TTC28: variants seen among roughly 807,000 people sequenced by gnomAD.
TTC28 encodes the protein tetratricopeptide repeat protein 28.
In TTC28, 61 loss-of-function variants were observed where a neutral mutation model predicts 198.0. The ratio of observed to expected loss-of-function variants is 0.31; its 90% CI spans 0.25 to 0.38. TTC28 has a LOEUF of 0.38. TTC28 is among the 10% of genes least tolerant of loss of function. The pLI, the probability that TTC28 is intolerant of heterozygous loss-of-function variation, is 1.00. For missense variants in TTC28, 2,678 were observed against 3,164.0 expected (o/e 0.85, Z 3.69); for synonymous variants, 1,171 against 1,297.8 (o/e 0.90, Z 2.10).
rs913342756 is a variant in TTC28, at chr22:27,979,266, G to A, written c.*2955C>T. 2 of 152,198 alleles carry A rather than the reference G, an allele frequency of 1.3e-5. No homozygotes were observed. The highest frequency in any genetic ancestry group is 2.9e-5 in the Non-Finnish European group (2 of 68,070). 9.4% of individuals were successfully genotyped at this position (152,198 alleles called of 1,614,324 possible). ...AGGCCAAGGCGGGCGGATCCCCTGA[G>A]GTCAGGAGTTCGAGACCAGCCTGGC... is the stretch of plus-strand genomic sequence containing the variant. On this transcript the variant is annotated 3_prime_UTR_variant, in exon 23 of 23. Coordinates refer to ENST00000397906, the MANE Select transcript of TTC28 (RefSeq NM_001145418.2).
chr22:28,228,869 C>T (rs973516064), intron 5 of TTC28, among the ~76,000 whole-genome samples: 1 of 151,910 alleles, frequency 6.6e-6, no homozygotes, highest in Non-Finnish European at 1.5e-5. Context: ...TAAAAAACTA[C>T]ACCCCGGCGA....
At chr22:28,545,309 C>T (rs2049514683) in intron 2 of TTC28, among the ~76,000 whole-genome samples, 1 of 152,096 alleles carries the variant, frequency 6.6e-6, no homozygotes, top group African/African-American at 2.4e-5. Context: ...GTGGTTTACA[C>T]CTATAATCCT....
At chr22:28,551,438 T>G (rs2049669724) in intron 2 of TTC28, among the ~76,000 whole-genome samples, 1 of 151,910 alleles carries the variant, frequency 6.6e-6, no homozygotes, top group South Asian at 2.1e-4. Flanking sequence ...AAAAGAAAAC[T>G]ACAGACCAAT....
At chr22:27,992,722 C>T in intron 18 of TTC28, 59 bp from the exon 19 acceptor site, 1 of 1,494,602 alleles carries the variant, frequency 6.7e-7, no homozygotes, top group South Asian at 1.2e-5. Flanking sequence ...CAAAAGCCTG[C>T]CACCTTCCCA....
chr22:28,209,075 T>C (rs983409036), intron 5 of TTC28, among the ~76,000 whole-genome samples: 2 of 152,170 alleles, frequency 1.3e-5, no homozygotes, highest in African/African-American at 4.8e-5. Flanking sequence ...TCTCATACTT[T>C]CAAATTTTCA....
At chr22:28,324,659 A>T (rs1470647052) in intron 2 of TTC28, among the ~76,000 whole-genome samples, 2 of 151,470 alleles carry the variant, frequency 1.3e-5, no homozygotes, top group African/African-American at 4.9e-5. Context: ...TCTTCAGTAG[A>T]TGCAGAAAAG....
intron 2 of TTC28, among the ~76,000 whole-genome samples, chr22:28,374,560 T>C (rs532100086): frequency 6.6e-6 from 1 of 152,248 alleles, no homozygotes; most frequent in Non-Finnish European, 1.5e-5. Flanking sequence ...GTTGTGACTC[T>C]GTCATTTACC....
rs150508204 is a variant in TTC28 at position 28,308,295 on chromosome 22, A to G, written c.382-1652T>C. Among the ~76,000 whole-genome samples, 9 of 152,320 alleles carry G rather than the reference A, an allele frequency of 5.9e-5. No homozygotes were observed. In the East Asian group the frequency reaches 1.5e-3, roughly 26 times the overall value. ...TAGTTTCTATATTGCAAGAGGCAAC[A>G]GTATATTCCAACTAAAAATAACTAT... On this transcript the variant is annotated intron_variant, in intron 2 of 22. Transcript: ENST00000397906.
chr22:28,337,830 G>A lies in TTC28; in HGVS notation c.382-31187C>T, dbSNP rs1407855811. Among the ~76,000 whole-genome samples, 6 of 152,108 alleles carry A rather than the reference G, an allele frequency of 3.9e-5. No homozygotes were observed. The East Asian group carries it at 9.6e-4, about 24-fold the overall frequency. On this transcript the variant is annotated intron_variant, in intron 2 of 22. Transcript: ENST00000397906. The stretch of plus-strand genomic sequence containing the variant: ...CTGTGTCTTTTAATTGGAGCATTTA[G>A]CCCATTTACATTTAAGGTTAATATT...
intron 5 of TTC28, among the ~76,000 whole-genome samples, chr22:28,215,717 A>G (rs1927338295): frequency 6.6e-6 from 1 of 152,186 alleles, no homozygotes; most frequent in Admixed American, 6.5e-5. Flanking sequence ...GTGATGTTCT[A>G]TCGCTCATAT....
At chr22:28,060,352 G>A (rs1299969488) in intron 12 of TTC28, among the ~76,000 whole-genome samples, 1 of 152,108 alleles carries the variant, frequency 6.6e-6, no homozygotes, top group Non-Finnish European at 1.5e-5. Context: ...GCGGTGTTTG[G>A]TTTTCTGTCC....
intron 2 of TTC28, among the ~76,000 whole-genome samples, chr22:28,575,502 G>C (rs913249952): frequency 6.6e-6 from 1 of 152,018 alleles, no homozygotes; most frequent in African/African-American, 2.4e-5. Context: ...GGTCTTTTGT[G>C]GTTCCATATA....
chr22:28,318,533 T>C (rs950439208), intron 2 of TTC28, among the ~76,000 whole-genome samples: 2 of 152,166 alleles, frequency 1.3e-5, no homozygotes, highest in African/African-American at 4.8e-5. Context: ...CATTTACTCT[T>C]CAGAGTCTTC....
intron 1 of TTC28, among the ~76,000 whole-genome samples, chr22:28,673,762 T>A (rs1490038974): frequency 6.6e-6 from 1 of 152,164 alleles, no homozygotes. Context: ...ACAAGAAACA[T>A]GAGATGTTCC....
chr22:28,088,536 G>A (rs1056134823), intron 12 of TTC28, among the ~76,000 whole-genome samples: 6 of 151,144 alleles, frequency 4.0e-5, no homozygotes, highest in African/African-American at 1.2e-4. Context: ...AGACTTAAAC[G>A]TTAGACCTAA....
intron 6 of TTC28, among the ~76,000 whole-genome samples, chr22:28,117,089 GTAATGAGAAA>G (rs1942654018): frequency 6.6e-6 from 1 of 152,244 alleles, no homozygotes; most frequent in Admixed American, 6.5e-5. Context: ...CCAGTGAAAA[GTAATGAGAAA>G]TGATTGTGTT....
At chr22:28,540,515 A>G (rs2049390322) in intron 2 of TTC28, among the ~76,000 whole-genome samples, 1 of 152,142 alleles carries the variant, frequency 6.6e-6, no homozygotes, top group African/African-American at 2.4e-5. Context: ...TTTACCATCT[A>G]TTTGCATAAA....
chr22:28,312,172 A>T (rs2045271477), intron 2 of TTC28, among the ~76,000 whole-genome samples: 1 of 152,234 alleles, frequency 6.6e-6, no homozygotes, highest in South Asian at 2.1e-4. Flanking sequence ...TAACTATCCT[A>T]AATATATATG....
At chr22:28,648,278 T>C (rs2051507946) in intron 1 of TTC28, among the ~76,000 whole-genome samples, 1 of 146,940 alleles carries the variant, frequency 6.8e-6, no homozygotes, top group Non-Finnish European at 1.5e-5. Flanking sequence ...AAATGCACAT[T>C]AAAACCACAA....
Sources: allele counts gnomAD v4.1 joint callset (sites outside exome capture counted in the v4.1 genomes callset), GRCh38; gene constraint gnomAD v4.1.1; transcripts MANE v1.5; gene names NCBI Gene and HGNC (gene_info 2026-07-23, HGNC 2026-07-21).